RASAL3: variants seen among roughly 807,000 people sequenced by gnomAD.
RASAL3 encodes the protein RAS protein activator like-3.
In RASAL3, 74 loss-of-function variants were observed where a neutral mutation model predicts 105.5. The ratio of observed to expected loss-of-function variants is 0.70; its 90% CI spans 0.58 to 0.85. The LOEUF (loss-of-function observed/expected upper bound fraction) is 0.85, where lower values mean the gene tolerates loss of function less well. Ranked by LOEUF, RASAL3 falls within the 40% of genes least tolerant of loss-of-function variation. The pLI is 0.00. For synonymous variants in RASAL3, 579 were observed against 591.6 expected, an observed-to-expected ratio of 0.98 and a Z score of 0.31; for missense variants, 1,352 against 1,392.0, an observed-to-expected ratio of 0.97 and a Z score of 0.46.
chr19:15,454,805 C>T lies in RASAL3; in HGVS notation c.1810G>A (p.Val604Met). 2 of 1,594,420 alleles carry T rather than the reference C, an allele frequency of 1.3e-6. No homozygotes were observed. The highest frequency in any genetic ancestry group is 1.1e-5 in the South Asian group (1 of 88,214). The change falls in exon 12 of 18, where the codon GTG becomes ATG. Residue 604 changes from valine (V) to methionine (M), a missense_variant. Val to Met is a conservative substitution (Grantham distance 21). This residue lies in a region of RASAL3 where 920 missense variants were observed against 919.6 expected (regional missense o/e 1.00). Transcript: ENST00000343625. ...RGSEVLGPRLVCASLFLRLLC... is the reference protein window; with the variant it reads ...RGSEVLGPRLMCASLFLRLLC... ...AGCCGCAGGAAGAGGGAGGCGCACA[C>T]CAGTCGGGGGCCCAGCACCTCAGAG...
intron 6 of RASAL3, among the ~76,000 whole-genome samples, chr19:15,459,911 C>G (rs1030161116): frequency 6.6e-6 from 1 of 152,142 alleles, no homozygotes; most frequent in African/African-American, 2.4e-5. Flanking sequence ...TTCCACCCCC[C>G]TGTTGGCCTA....
intron 2 of RASAL3, 118 bp downstream of exon 2, chr19:15,463,912 TG>T: frequency 1.1e-6 from 1 of 939,820 alleles, no homozygotes; most frequent in Non-Finnish European, 1.5e-6. Flanking sequence ...GGCTTCCTGC[TG>T]GGCTTTTGCA....
At chr19:15,452,221 G>T in intron 16 of RASAL3, 113 bp from the exon 17 acceptor site, 1 of 1,034,604 alleles carries the variant, frequency 9.7e-7, no homozygotes, top group Non-Finnish European at 1.5e-6. Flanking sequence ...GGCGGAGCTT[G>T]TCCAGACTGA....
In RASAL3 at chr19:15,454,344, C is replaced by G; in HGVS notation, c.2160+17G>C. ...TCCCAAGCCTTCTTGCCTCCCTACT[C>G]TGGGTTCAGGCCATACCTGGTCAAG... On this transcript the variant is annotated intron_variant, in intron 13 of 17. Coordinates refer to ENST00000343625, the MANE Select transcript of RASAL3 (RefSeq NM_022904.3). The G allele has an allele frequency of 1.9e-6, 3 of 1,599,836 alleles. No homozygotes were observed. The highest frequency in any genetic ancestry group is 2.6e-6 in the Non-Finnish European group (3 of 1,172,446).
Position 15,457,675 on chromosome 19 carries a change from A to G in RASAL3, c.1048T>C (p.Phe350Leu). Residue 350 changes from phenylalanine (F) to leucine (L), a missense_variant, in exon 9 of 18, where the codon TTC (phenylalanine) becomes CTC (leucine). Physicochemically the swap from Phe to Leu is conservative, Grantham distance 22. Around this residue, in one of 3 missense-constraint regions of RASAL3, gnomAD observed 920 missense variants for 919.6 expected, o/e 1.00. Coordinates refer to ENST00000343625, the MANE Select transcript of RASAL3 (RefSeq NM_022904.3). The surrounding 1 kb of genome is among the most constrained non-coding windows in gnomAD (Gnocchi z 8.6). Reference sequence around the variant, plus strand: ...TCGAAGTGGAAGCGCTCGGCCCAGAAGAGCTGGCCTGGGCCGGCCCGAGGC... The same window carrying G: ...TCGAAGTGGAAGCGCTCGGCCCAGAGGAGCTGGCCTGGGCCGGCCCGAGGC... ...TAPRAGPGQL[F>L]WAERFHFEAL... is the part of the protein sequence containing the mutation. The G allele has an allele frequency of 6.9e-7, 1 of 1,449,440 alleles. No homozygotes were observed. Among genetic ancestry groups the G allele is most frequent in the Non-Finnish European group, 9.1e-7 (1 of 1,103,276 alleles). 89.8% of individuals were successfully genotyped at this position (1,449,440 alleles called of 1,614,324 possible).
chr19:15,458,043 G>T (rs532732019), intron 8 of RASAL3: 7 of 648,936 alleles, frequency 1.1e-5, no homozygotes, highest in South Asian at 7.8e-5. Context: ...GAGAGTTGGG[G>T]GCTCCAGGGC....
chr19:15,457,161 C>T lies in RASAL3; in HGVS notation c.1431+131G>A. ...CCGCTTACAGGTGACACTTGGACCA[C>T]GCCCCTCACACCCCTTCAAGGTGTC... On this transcript the variant is annotated intron_variant, in intron 9 of 17. Coordinates refer to ENST00000343625, the MANE Select transcript of RASAL3 (RefSeq NM_022904.3). The surrounding 1 kb of genome is among the most constrained non-coding windows in gnomAD (Gnocchi z 8.6). 3.8e-6 allele frequency: 3 copies of T among 793,322 alleles called. No homozygotes were observed. The highest frequency in any genetic ancestry group is 7.6e-5 in the East Asian group (2 of 26,174). 49.1% of individuals were successfully genotyped at this position (793,322 alleles called of 1,614,324 possible).
chr19:15,455,962 T>C (rs1300368803), intron 11 of RASAL3, 142 bp downstream of exon 11: 3 of 995,300 alleles, frequency 3.0e-6, no homozygotes, highest in Non-Finnish European at 4.4e-6. Flanking sequence ...AAATGAGTAA[T>C]TTTTTAGTAT....
Position 15,453,490 on chromosome 19 carries a change from C to T in RASAL3, c.2287G>A (p.Ala763Thr). 2 of 1,527,978 alleles carry T rather than the reference C, an allele frequency of 1.3e-6. No homozygotes were observed. The highest frequency in any genetic ancestry group is 1.7e-6 in the Non-Finnish European group (2 of 1,147,834). 94.7% of individuals were successfully genotyped at this position (1,527,978 alleles called of 1,614,324 possible). Residue 763 changes from alanine (A) to threonine (T), a missense_variant, in exon 15 of 18, where the codon GCA becomes ACA. By Grantham distance (58) the Ala-to-Thr change is moderately conservative. Around this residue, in one of 3 missense-constraint regions of RASAL3, gnomAD observed 920 missense variants for 919.6 expected, o/e 1.00. Transcript: ENST00000343625. This position sits in a 1 kb window ranked among gnomAD's most constrained non-coding sequence, Gnocchi z 4.2. ...GCCAGGAAGCCGGGCTTCTCCCCTG[C>T]GGAGAGGCTAGGGGTGGGATGGAGG... ...PPAQVHSSLSAGEKPGFLAPR... is the reference protein window; with the variant it reads ...PPAQVHSSLSTGEKPGFLAPR...
At chr19:15,461,683 G>C in intron 2 of RASAL3, 76 bp from the exon 3 acceptor site, 1 of 1,427,168 alleles carries the variant, frequency 7.0e-7, no homozygotes. Context: ...ATTCCCGAAG[G>C]CTCATGGTGG....
Position 15,452,658 on chromosome 19 carries a change from C to G in RASAL3, c.2828G>C (p.Gly943Ala), listed in dbSNP as rs1221619813. 2 of 1,543,994 alleles carry G rather than the reference C, an allele frequency of 1.3e-6. No homozygotes were observed. Among genetic ancestry groups the G allele is most frequent in the African/African-American group, 2.7e-5 (2 of 72,868 alleles). The change falls in exon 16 of 18, where the codon GGG becomes GCG. Residue 943 changes from glycine (G) to alanine (A), a missense_variant and splice_region_variant. Physicochemically the swap from Gly to Ala is moderately conservative, Grantham distance 60. Transcript: ENST00000343625. ...AGCTAATGGAGAGGGCTGGGCTCACCCAGCACGGAGCCTGGAGTCCAGATC... is the reference window on the plus strand; with the variant it reads ...AGCTAATGGAGAGGGCTGGGCTCACGCAGCACGGAGCCTGGAGTCCAGATC... ...LQDLDSRLRA[G>A]SSEFDSEHNL...
Position 15,461,234 on chromosome 19 carries a change from C to T in RASAL3, c.528G>A (p.Gly176=). 1 of 1,613,932 alleles carries T rather than the reference C, an allele frequency of 6.2e-7. No homozygotes were observed. Among genetic ancestry groups the T allele is most frequent in the South Asian group, 1.1e-5 (1 of 91,078 alleles). Residue 176 remains glycine, a synonymous_variant, in exon 4 of 18, where the codon GGG becomes GGA. Transcript: ENST00000343625. ...CAAGCTTACCTGGATCCCTGAAGTT[C>T]CCCATGGCCACGTGGATGCTGCCCT... is the stretch of plus-strand genomic sequence containing the variant. ...SSEGSIHVAM[G]NFRDPDRMPG...
In RASAL3 at chr19:15,461,566, T is replaced by C; in HGVS notation, c.370A>G (p.Ile124Val). Residue 124 changes from isoleucine to valine, a missense_variant, in exon 3 of 18, where the codon ATC becomes GTC. By Grantham distance (29) the Ile-to-Val change is conservative. Transcript: ENST00000343625. ...EPELEPPTPQIPEAPTPNVPV... is the reference protein window; with the variant it reads ...EPELEPPTPQVPEAPTPNVPV... ...ACGTTGGGTGTGGGGGCCTCAGGGA[T>C]CTGTGGGGTAGGGGGCTCCAGCTCT... 2 of 1,535,914 alleles carry C rather than the reference T, an allele frequency of 1.3e-6. No homozygotes were observed. The highest frequency in any genetic ancestry group is 2.5e-5 in the South Asian group (2 of 79,956).
chr19:15,458,044 G>A, intron 8 of RASAL3: 1 of 648,942 alleles, frequency 1.5e-6, no homozygotes, highest in Admixed American at 2.9e-5. Flanking sequence ...AGAGTTGGGG[G>A]CTCCAGGGCA....
intron 2 of RASAL3, among the ~76,000 whole-genome samples, chr19:15,462,088 C>T (rs991147882): frequency 2.6e-5 from 4 of 152,238 alleles, no homozygotes; most frequent in African/African-American, 9.6e-5. Flanking sequence ...CAAGGTGGCT[C>T]ATGCCTGTAA....
Position 15,457,601 on chromosome 19 carries a change from G to A in RASAL3, c.1122C>T (p.Gly374=). Residue 374 remains glycine, a synonymous_variant, in exon 9 of 18, where the codon GGC becomes GGT. Transcript: ENST00000343625. The surrounding 1 kb of genome is among the most constrained non-coding windows in gnomAD (Gnocchi z 8.6). ...RRLSLRLRGL[G]PGSAVLGRVA... is the part of the protein sequence containing the mutation. ...CGCGGCCCAGCACCGCGCTTCCCGG[G>A]CCCAAGCCGCGCAGCCGCAGCGACA... 1 of 1,342,312 alleles carries A rather than the reference G, an allele frequency of 7.4e-7. No homozygotes were observed. Among genetic ancestry groups the A allele is most frequent in the Non-Finnish European group, 9.6e-7 (1 of 1,043,346 alleles). The allele number at this position is 1,342,312 out of a possible 1,614,324, so 83.2% of individuals were successfully genotyped here.
chr19:15,454,776 C>T lies in RASAL3; in HGVS notation c.1839G>A (p.Leu613=), dbSNP rs758239328. Residue 613 remains leucine (L), a synonymous_variant, in exon 12 of 18, where the codon CTG becomes CTA. Coordinates refer to ENST00000343625, the MANE Select transcript of RASAL3 (RefSeq NM_022904.3). ...GGCTGGGTGCCAGGATGGCAGGGCACAGGAGCCGCAGGAAGAGGGAGGCGC... is the reference window on the plus strand; with the variant it reads ...GGCTGGGTGCCAGGATGGCAGGGCATAGGAGCCGCAGGAAGAGGGAGGCGC... ...LVCASLFLRL[L]CPAILAPSLF... The T allele has an allele frequency of 5.0e-6, 8 of 1,600,914 alleles. No homozygotes were observed. The highest frequency in any genetic ancestry group is 6.0e-6 in the Non-Finnish European group (7 of 1,174,238).
chr19:15,453,420 T>G lies in RASAL3; in HGVS notation c.2357A>C (p.Gln786Pro). ...PKHTPLISKSQSLRSVRRSES... is the reference protein window; with the variant it reads ...PKHTPLISKSPSLRSVRRSES... ...TGAGCGGCGAACGCTGCGCAGAGAC[T>G]GGCTCTTGGAGATGAGAGGGGTGTG... is the stretch of plus-strand genomic sequence containing the variant. The change falls in exon 15 of 18, where the codon CAG (glutamine) becomes CCG (proline). Residue 786 changes from glutamine (Q) to proline (P), a missense_variant. Coordinates refer to ENST00000343625, the MANE Select transcript of RASAL3 (RefSeq NM_022904.3). The surrounding 1 kb of genome is among the most constrained non-coding windows in gnomAD (Gnocchi z 4.2). 2.0e-6 allele frequency: 3 copies of G among 1,526,224 alleles called. No individual in the cohort carries two copies. The highest frequency in any genetic ancestry group is 2.6e-6 in the Non-Finnish European group (3 of 1,148,176). 94.5% of individuals were successfully genotyped at this position (1,526,224 alleles called of 1,614,324 possible). A position where few individuals can be genotyped will look rare whatever the true frequency, so the allele number is the denominator to read the frequency against.
Position 15,456,243 on chromosome 19 carries a change from C to A in RASAL3, c.1582G>T (p.Val528Phe), listed in dbSNP as rs746261972. The change falls in exon 11 of 18, where the codon GTT becomes TTT. Residue 528 changes from valine (V) to phenylalanine (F), a missense_variant. Transcript: ENST00000343625. This position sits in a 1 kb window ranked among gnomAD's most constrained non-coding sequence, Gnocchi z 4.4. ...QDYLQETLGQ[V>F]VRRLCASTED... Reference sequence around the variant, plus strand: ...GTAGAAGCACAGAGACGCCGCACAACCTGTCCTGCAGCCCAGCACAGCCAG... The same window carrying A: ...GTAGAAGCACAGAGACGCCGCACAAACTGTCCTGCAGCCCAGCACAGCCAG... The A allele has an allele frequency of 1.9e-6, 3 of 1,613,588 alleles. No homozygotes were observed. The highest frequency in any genetic ancestry group is 4.5e-5 in the East Asian group (2 of 44,884).
Sources: allele counts gnomAD v4.1 joint callset (sites outside exome capture counted in the v4.1 genomes callset), GRCh38; gene constraint gnomAD v4.1.1; regional missense constraint gnomAD v4.1.1; non-coding constraint Gnocchi (gnomAD v3.1); transcripts MANE v1.5; gene names NCBI Gene and HGNC (gene_info 2026-07-23, HGNC 2026-07-21).